The following SLC34A3 variants were observed in gnomAD, a reference collection of about 807,000 sequenced individuals.
SLC34A3 encodes sodium-dependent phosphate transport protein 2C.
In SLC34A3, 60 loss-of-function variants were observed where a neutral mutation model predicts 43.9. The observed-to-expected ratio is 1.37, with a 90% CI of 1.11 to 1.70. The LOEUF (loss-of-function observed/expected upper bound fraction) is 1.70, where lower values mean the gene tolerates loss of function less well. SLC34A3 is among the 40% of genes most tolerant of loss of function. The pLI is 0.00. For synonymous variants in SLC34A3, 451 were observed against 386.2 expected (o/e 1.17, Z -1.97); for missense variants, 969 against 823.8 (o/e 1.18, Z -2.16).
Position 137,231,558 on chromosome 9 carries a change from G to A in SLC34A3, c.-39-106G>A. On this transcript the variant is annotated intron_variant, in intron 1 of 12. Transcript: ENST00000673835. The stretch of plus-strand genomic sequence containing the variant: ...CCTGCAGGGCGTAGAGAGGGAGGGT[G>A]GCGGCCAAGGGCTCAATTCAGGGGA... 5.4e-6 allele frequency: 4 copies of A among 741,816 alleles called. No individual in the cohort carries two copies. The South Asian group carries it at 5.9e-5, about 11-fold the overall frequency. 46.0% of individuals were successfully genotyped at this position (741,816 alleles called of 1,614,324 possible). A position where few individuals can be genotyped will look rare whatever the true frequency, so the allele number is the denominator to read the frequency against.
rs201086009 is a variant in SLC34A3, at chr9:137,234,553, C to T, written c.1210+21C>T. The stretch of plus-strand genomic sequence containing the variant: ...CATGGGTGAGCAGGCAGGACAGAGG[C>T]CTCGGGAACGGGGGCTCGGGCTGGG... On this transcript the variant is annotated intron_variant, in intron 11 of 12. Transcript: ENST00000673835. This position sits in a 1 kb window ranked among gnomAD's most constrained non-coding sequence, Gnocchi z 6.9. 2 of 1,609,336 alleles carry T rather than the reference C, an allele frequency of 1.2e-6. No homozygotes were observed. Among genetic ancestry groups the T allele is most frequent in the African/African-American group, 1.3e-5 (1 of 74,992 alleles).
Position 137,234,053 on chromosome 9 carries a change from G to GGCCCCCCC in SLC34A3, c.926-56_926-55insGCCCCCCC. 7.7e-7 allele frequency: 1 copy of GGCCCCCCC among 1,302,262 alleles called. No homozygotes were observed. Among genetic ancestry groups the GGCCCCCCC allele is most frequent in the South Asian group, 1.3e-5 (1 of 78,776 alleles). The allele number at this position is 1,302,262 out of a possible 1,614,324, so 80.7% of individuals were successfully genotyped here. ...CGGACAGGCTGCCCTGTGAGGCCCG[G>GGCCCCCCC]CCCACCCCGGCCCACCCCCCAGGCT... is the stretch of plus-strand genomic sequence containing the variant. On this transcript the variant is annotated intron_variant, in intron 9 of 12. Coordinates refer to ENST00000673835, the MANE Select transcript of SLC34A3 (RefSeq NM_001177316.2). The surrounding 1 kb of genome is among the most constrained non-coding windows in gnomAD (Gnocchi z 6.9).
In SLC34A3 at chr9:137,233,164, G is replaced by A. The variant is rs768433595; in HGVS notation, c.561-45G>A. ...GGCTGGGGCTGCAGTGGCAGCCCCA[G>A]CCCGGGCCCCCCCACCTGACCCTGC... is the stretch of plus-strand genomic sequence containing the variant. On this transcript the variant is annotated intron_variant, in intron 6 of 12. Coordinates refer to ENST00000673835, the MANE Select transcript of SLC34A3 (RefSeq NM_001177316.2). The A allele has an allele frequency of 6.4e-6, 8 of 1,244,656 alleles. No individual in the cohort carries two copies. The South Asian group carries it at 7.6e-5, about 12-fold the overall frequency. The allele number at this position is 1,244,656 out of a possible 1,614,324, so 77.1% of individuals were successfully genotyped here.
rs894530845 is a variant in SLC34A3 at position 137,234,356 on chromosome 9, C to T, written c.1094-60C>T. On this transcript the variant is annotated intron_variant, in intron 10 of 12. Coordinates refer to ENST00000673835, the MANE Select transcript of SLC34A3 (RefSeq NM_001177316.2). This position sits in a 1 kb window ranked among gnomAD's most constrained non-coding sequence, Gnocchi z 6.9. ...ACTTCCCCTTCCCACCAGGCTGACT[C>T]GGGGGCTACCTGGCCCTCCTTGTGG... The T allele has an allele frequency of 8.6e-5, 137 of 1,599,124 alleles. No individual in the cohort carries two copies. In the African/African-American group the frequency reaches 1.3e-3, roughly 15 times the overall value.
At chr9:137,235,041 C>T (rs1836505006) in intron 12 of SLC34A3, among the ~76,000 whole-genome samples, 3 of 152,174 alleles carry the variant, frequency 2.0e-5, no homozygotes, top group South Asian at 4.1e-4. Flanking sequence ...ATTCCAGCAC[C>T]CTCAGATGCT....
rs1213057168 is a variant in SLC34A3 at position 137,233,393 on chromosome 9, C to G, written c.745C>G (p.Leu249Val). The G allele has an allele frequency of 1.9e-6, 3 of 1,604,154 alleles. No individual in the cohort carries two copies. In the African/African-American group the frequency reaches 4.0e-5, roughly 21 times the overall value. ...GGTGCTGACGAAGCCGCTCACACACCTCATCGTGCAGGTGAGGACGGCCAC... is the reference window on the plus strand; with the variant it reads ...GGTGCTGACGAAGCCGCTCACACACGTCATCGTGCAGGTGAGGACGGCCAC... ...LKVLTKPLTHLIVQLDSDMIM... is the reference protein window; with the variant it reads ...LKVLTKPLTHVIVQLDSDMIM... Residue 249 changes from leucine (L) to valine (V), a missense_variant, in exon 7 of 13, where the codon CTC (leucine) becomes GTC (valine). Leu to Val is a conservative substitution (Grantham distance 32). Coordinates refer to ENST00000673835, the MANE Select transcript of SLC34A3 (RefSeq NM_001177316.2).
At chr9:137,235,916 T>C (rs771624410) in intron 12 of SLC34A3, 36 bp from the exon 13 acceptor site, 1 of 1,600,594 alleles carries the variant, frequency 6.2e-7, no homozygotes, top group Non-Finnish European at 8.5e-7. Context: ...CCCCACCTCG[T>C]TGGGCCCAGG....
At chr9:137,235,383 C>T (rs377353300) in intron 12 of SLC34A3, among the ~76,000 whole-genome samples, 204 of 152,304 alleles carry the variant, frequency 1.3e-3, no homozygotes, top group Admixed American at 4.9e-3. Context: ...GAGACAAGTG[C>T]GGCACCCCCT....
chr9:137,229,795 C>T (rs1001752150), upstream of SLC34A3, among the ~76,000 whole-genome samples: 1 of 152,194 alleles, frequency 6.6e-6, no homozygotes, highest in Admixed American at 6.5e-5. Context: ...TTCGCTGAAC[C>T]TTTCCTGGCT....
chr9:137,230,775 G>A (rs1339562664), upstream of SLC34A3: 1 of 152,250 alleles, frequency 6.6e-6, no homozygotes, highest in Non-Finnish European at 1.5e-5. Flanking sequence ...AAGGCCTAGG[G>A]GCCTTGGGGC....
rs770803386 is a variant in SLC34A3, at chr9:137,232,783, G to A, written c.305-1G>A. The A allele has an allele frequency of 7.4e-6, 12 of 1,612,962 alleles. No homozygotes were observed. Among genetic ancestry groups the A allele is most frequent in the Non-Finnish European group, 5.1e-6 (6 of 1,180,018 alleles). On this transcript the variant is annotated splice_acceptor_variant, in intron 4 of 12. Coordinates refer to ENST00000673835, the MANE Select transcript of SLC34A3 (RefSeq NM_001177316.2). LOFTEE classifies it high-confidence loss of function. Reference sequence around the variant, plus strand: ...TCAGCGCACCTCTCTTGCCGGTGTAGGCAAAGTGGCCGGAGACATCTTCAA... The same window carrying A: ...TCAGCGCACCTCTCTTGCCGGTGTAAGCAAAGTGGCCGGAGACATCTTCAA...
Position 137,234,353 on chromosome 9 carries a change from A to C in SLC34A3, c.1094-63A>C. The C allele has an allele frequency of 8.8e-6, 14 of 1,598,948 alleles. 1 individual carries two copies. The highest frequency in any genetic ancestry group is 1.2e-5 in the Non-Finnish European group (14 of 1,177,856). On this transcript the variant is annotated intron_variant, in intron 10 of 12. Transcript: ENST00000673835. The surrounding 1 kb of genome is among the most constrained non-coding windows in gnomAD (Gnocchi z 6.9). ...TAGACTTCCCCTTCCCACCAGGCTG[A>C]CTCGGGGGCTACCTGGCCCTCCTTG...
intron 3 of SLC34A3, 88 bp downstream of exon 3, chr9:137,232,249 A>C: frequency 7.7e-7 from 1 of 1,297,122 alleles, no homozygotes; most frequent in Non-Finnish European, 1.1e-6. Flanking sequence ...GGCCTGCCCA[A>C]ACAGGCTGTG....
At position 137,232,052 on chromosome 9, in the gene SLC34A3, A is replaced by T. The variant is rs773120916; in HGVS notation, c.86-20A>T. 2.5e-6 allele frequency: 4 copies of T among 1,609,534 alleles called. No homozygotes were observed. Among genetic ancestry groups the T allele is most frequent in the Non-Finnish European group, 3.4e-6 (4 of 1,176,786 alleles). On this transcript the variant is annotated intron_variant, in intron 2 of 12. Coordinates refer to ENST00000673835, the MANE Select transcript of SLC34A3 (RefSeq NM_001177316.2). ...GGGAGGTGGTCCTGGAAACAGCCGT[A>T]CTCAATTCTACCTCCACAGGGACCT...
In SLC34A3 at chr9:137,236,393, A is replaced by G. The variant is rs1004449426; in HGVS notation, c.1777A>G (p.Ile593Val). 9.8e-6 allele frequency: 15 copies of G among 1,537,580 alleles called. No individual in the cohort carries two copies. The highest frequency in any genetic ancestry group is 5.9e-5 in the Admixed American group (3 of 50,970). The stretch of plus-strand genomic sequence containing the variant: ...GGCCTACTGCTACGAGAACCCTGAG[A>G]TCTTGGCCTCCCAGCAGTTGTGACG... ...KEAYCYENPE[I>V]LASQQL The change falls in exon 13 of 13, where the codon ATC becomes GTC. Residue 593 changes from isoleucine to valine, a missense_variant. Coordinates refer to ENST00000673835, the MANE Select transcript of SLC34A3 (RefSeq NM_001177316.2).
rs757714479 is a variant in SLC34A3, at chr9:137,234,641, CCT to C, written c.1248_1249del (p.Leu417ThrfsTer175). ...TGATCAGTCTGGACCGGGCGTACCC[CCT>C]CTTACTGGGCTCCAACATCGGCACC... ...GVISLDRAYP[L>X]LLGSNIGTTT... On this transcript the variant is annotated frameshift_variant, in exon 12 of 13. Transcript: ENST00000673835. LOFTEE classifies it high-confidence loss of function. This position sits in a 1 kb window ranked among gnomAD's most constrained non-coding sequence, Gnocchi z 6.9. 106 of 1,612,512 alleles carry C rather than the reference CCT, an allele frequency of 6.6e-5. No homozygotes were observed. The highest frequency in any genetic ancestry group is 2.8e-4 in the Admixed American group (17 of 60,006).
In SLC34A3 at chr9:137,234,053, G is replaced by GGCCCCCCCCCC; in HGVS notation, c.926-56_926-55insGCCCCCCCCCC. ...CGGACAGGCTGCCCTGTGAGGCCCG[G>GGCCCCCCCCCC]CCCACCCCGGCCCACCCCCCAGGCT... On this transcript the variant is annotated intron_variant, in intron 9 of 12. Transcript: ENST00000673835. This position sits in a 1 kb window ranked among gnomAD's most constrained non-coding sequence, Gnocchi z 6.9. The GGCCCCCCCCCC allele has an allele frequency of 7.7e-7, 1 of 1,302,254 alleles. No individual in the cohort carries two copies. The highest frequency in any genetic ancestry group is 2.5e-5 in the East Asian group (1 of 39,500). The allele number at this position is 1,302,254 out of a possible 1,614,324, so 80.7% of individuals were successfully genotyped here. A position where few individuals can be genotyped will look rare whatever the true frequency, so the allele number is the denominator to read the frequency against.
At position 137,232,223 on chromosome 9, in the gene SLC34A3, A is replaced by T; in HGVS notation, c.175+62A>T. 2.7e-6 allele frequency: 4 copies of T among 1,501,134 alleles called. No individual in the cohort carries two copies. The South Asian group carries it at 4.5e-5, about 17-fold the overall frequency. The allele number at this position is 1,501,134 out of a possible 1,614,324, so 93.0% of individuals were successfully genotyped here. ...GCCTCTGTCCCCAACGGGACTGGGG[A>T]GACAGAGCAGGGTGGGGCCTGCCCA... On this transcript the variant is annotated intron_variant, in intron 3 of 12. Coordinates refer to ENST00000673835, the MANE Select transcript of SLC34A3 (RefSeq NM_001177316.2).
At chr9:137,235,689 G>A (rs1402689057) in intron 12 of SLC34A3, among the ~76,000 whole-genome samples, 1 of 152,226 alleles carries the variant, frequency 6.6e-6, no homozygotes, top group Non-Finnish European at 1.5e-5. Flanking sequence ...TCCCCCGCAG[G>A]TCCCCCTTGA....
Sources: gnomAD v4.1 joint callset for allele counts (sites outside exome capture counted in the v4.1 genomes callset) on GRCh38, gnomAD v4.1.1 for gene constraint, Gnocchi (gnomAD v3.1) non-coding constraint, MANE v1.5 for transcripts, NCBI Gene and HGNC (gene_info 2026-07-23, HGNC 2026-07-21) for gene names.